FBXL17: variants seen among roughly 807,000 people sequenced by gnomAD.
FBXL17 encodes F-box/LRR-repeat protein 17.
A neutral mutation model predicts 66.2 loss-of-function variants in FBXL17; 22 were observed. The observed-to-expected ratio is 0.33, with a 90% confidence interval of 0.24 to 0.47. The LOEUF (loss-of-function observed/expected upper bound fraction) is 0.47, where lower values mean the gene tolerates loss of function less well. Among genes scored for constraint, FBXL17 ranks in the 20% least tolerant of loss-of-function variants. The probability of loss-of-function intolerance (pLI) is 1.00; values close to 1 mark genes in which losing one functional copy is unlikely to be tolerated. For synonymous variants in FBXL17, 474 were observed against 400.5 expected, an observed-to-expected ratio of 1.18 and a Z score of -2.19; for missense variants, 878 against 948.2, an observed-to-expected ratio of 0.93 and a Z score of 0.97.
At chr5:108,300,359 T>G (rs1758532886) in intron 4 of FBXL17, among the ~76,000 whole-genome samples, 1 of 151,920 alleles carries the variant, frequency 6.6e-6, no homozygotes, top group Admixed American at 6.6e-5. Context: ...TAGTTCAAAG[T>G]GGCCCAATTT....
In FBXL17 at chr5:107,860,660, G is replaced by A. The variant is rs1373834269; in HGVS notation, c.*1060C>T. On this transcript the variant is annotated 3_prime_UTR_variant, in exon 9 of 9. Coordinates refer to ENST00000542267, the MANE Select transcript of FBXL17 (RefSeq NM_001163315.3). ...GAGAACTAGTCCAAAATGACAACAT[G>A]CATATATCCAAAAAACCTGTTCAAG... 6.6e-6 allele frequency: 1 copy of A among 152,528 alleles called. No homozygotes were observed. The highest frequency in any genetic ancestry group is 2.4e-5 in the African/African-American group (1 of 41,432). The allele number at this position is 152,528 out of a possible 1,614,324, so 9.4% of individuals were successfully genotyped here.
At chr5:108,083,248 C>G (rs867071046) in intron 6 of FBXL17, among the ~76,000 whole-genome samples, 5 of 135,548 alleles carry the variant, frequency 3.7e-5, no homozygotes, top group African/African-American at 1.6e-4. Context: ...CACACACACA[C>G]ACAGAGAGAG....
At chr5:108,256,669 A>G (rs1422363233) in intron 4 of FBXL17, among the ~76,000 whole-genome samples, 3 of 152,078 alleles carry the variant, frequency 2.0e-5, no homozygotes, top group Non-Finnish European at 4.4e-5. Flanking sequence ...ACATATACAC[A>G]ATCTTTCCTA....
At chr5:108,097,520 G>A (rs1357704808) in intron 6 of FBXL17, among the ~76,000 whole-genome samples, 1 of 152,110 alleles carries the variant, frequency 6.6e-6, no homozygotes, top group Non-Finnish European at 1.5e-5. Context: ...GCTGGGAGTG[G>A]TGGCTCACGC....
intron 4 of FBXL17, among the ~76,000 whole-genome samples, chr5:108,242,131 T>C (rs1755880082): frequency 3.3e-5 from 5 of 152,190 alleles, no homozygotes. Context: ...AATATTATAA[T>C]ACTGTAATTG....
intron 5 of FBXL17, among the ~76,000 whole-genome samples, chr5:108,196,068 A>G (rs1409875262): frequency 6.6e-6 from 1 of 152,110 alleles, no homozygotes; most frequent in African/African-American, 2.4e-5. Context: ...TTATATATAA[A>G]TGTGTTAAAT....
chr5:107,965,169 T>C (rs938606876), intron 7 of FBXL17, among the ~76,000 whole-genome samples: 2 of 152,218 alleles, frequency 1.3e-5, no homozygotes, highest in African/African-American at 4.8e-5. Flanking sequence ...TCTTAAGAGC[T>C]TGTGTGGGTA....
At chr5:108,294,292 A>ATAT (rs1554084182) in intron 4 of FBXL17, among the ~76,000 whole-genome samples, 8 of 145,866 alleles carry the variant, frequency 5.5e-5, no homozygotes, top group African/African-American at 2.0e-4. Context: ...GAAAAAAAAA[A>ATAT]ATATATATAT....
At chr5:108,303,506 A>G (rs1003868387) in intron 4 of FBXL17, among the ~76,000 whole-genome samples, 8 of 151,918 alleles carry the variant, frequency 5.3e-5, no homozygotes, top group East Asian at 1.9e-4. Context: ...CACTGTGGAA[A>G]TAATTCTGAA....
At chr5:108,340,348 C>G (rs56902538) in intron 4 of FBXL17, among the ~76,000 whole-genome samples, 2 of 148,850 alleles carry the variant, frequency 1.3e-5, no homozygotes, top group Admixed American at 6.7e-5. Flanking sequence ...CCCGGGAGTT[C>G]GAGACCAGCC....
At chr5:108,083,397 C>T (rs1447448766) in intron 6 of FBXL17, among the ~76,000 whole-genome samples, 1 of 152,054 alleles carries the variant, frequency 6.6e-6, no homozygotes, top group Admixed American at 6.6e-5. Context: ...ACAAAGCATC[C>T]ATCCCAGAGT....
At chr5:107,955,461 G>C (rs1467323710) in intron 7 of FBXL17, among the ~76,000 whole-genome samples, 2 of 152,144 alleles carry the variant, frequency 1.3e-5, no homozygotes, top group African/African-American at 4.8e-5. Flanking sequence ...TGTTGATTTT[G>C]CAATCACAGT....
chr5:108,304,670 G>C (rs1241009137), intron 4 of FBXL17, among the ~76,000 whole-genome samples: 1 of 151,906 alleles, frequency 6.6e-6, no homozygotes, highest in African/African-American at 2.4e-5. Flanking sequence ...CAGAAAAAGA[G>C]AATCTCTTAC....
chr5:108,126,979 AC>A (rs1750742363), intron 6 of FBXL17, among the ~76,000 whole-genome samples: 3 of 152,090 alleles, frequency 2.0e-5, no homozygotes, highest in Admixed American at 2.0e-4. Context: ...ATTTAAAGTC[AC>A]CAGAAACCCT....
intron 7 of FBXL17, among the ~76,000 whole-genome samples, chr5:107,933,202 C>T (rs544170829): frequency 1.3e-5 from 2 of 152,224 alleles, no homozygotes; most frequent in African/African-American, 4.8e-5. Flanking sequence ...ATTGAGTTAC[C>T]ATTACTGCAG....
At chr5:107,987,020 C>T (rs115604819) in intron 7 of FBXL17, among the ~76,000 whole-genome samples, 1,959 of 151,624 alleles carry the variant, frequency 0.013, 22 homozygotes, top group Non-Finnish European at 0.021. Context: ...AAACTCAGGA[C>T]AAAAATGTCA....
chr5:108,264,753 A>G (rs1038756376), intron 4 of FBXL17, among the ~76,000 whole-genome samples: 1 of 152,120 alleles, frequency 6.6e-6, no homozygotes, highest in African/African-American at 2.4e-5. Flanking sequence ...TTGGCCCATG[A>G]CAATAACTTC....
At chr5:108,347,541 A>C (rs1435006359) in intron 4 of FBXL17, among the ~76,000 whole-genome samples, 1 of 152,182 alleles carries the variant, frequency 6.6e-6, no homozygotes, top group Non-Finnish European at 1.5e-5. Context: ...GATAAACACG[A>C]ATGAGCCTTG....
intron 6 of FBXL17, among the ~76,000 whole-genome samples, chr5:108,054,104 TCTGTTGCGGG>T (rs1258874563): frequency 7.3e-5 from 11 of 151,686 alleles, no homozygotes; most frequent in Admixed American, 3.3e-4. Flanking sequence ...CACACCAGGG[TCTGTTGCGGG>T]GTGTGGGGAG....
Sources: allele counts gnomAD v4.1 joint callset (sites outside exome capture counted in the v4.1 genomes callset), GRCh38; gene constraint gnomAD v4.1.1; transcripts MANE v1.5; gene names NCBI Gene and HGNC (gene_info 2026-07-23, HGNC 2026-07-21).